USP24: variants seen among roughly 807,000 people sequenced by gnomAD.
USP24 encodes the protein ubiquitin specific peptidase 24.
In USP24, 97 loss-of-function variants were observed where a neutral mutation model predicts 361.6. The observed-to-expected ratio is 0.27, with a 90% CI of 0.23 to 0.32. USP24 has a LOEUF of 0.32. Ranked by LOEUF, USP24 falls within the 10% of genes least tolerant of loss-of-function variation. The pLI is 1.00. For missense variants in USP24, 2,353 were observed against 3,165.6 expected, an observed-to-expected ratio of 0.74 and a Z score of 6.16; for synonymous variants, 1,098 against 1,124.6, an observed-to-expected ratio of 0.98 and a Z score of 0.47.
At chr1:55,095,425 C>T in intron 50 of USP24, 29 bp from the exon 51 acceptor site, 2 of 1,562,862 alleles carry the variant, frequency 1.3e-6, no homozygotes, top group Non-Finnish European at 1.7e-6. Context: ...AGAAACACAT[C>T]TGTAAATAAA....
intron 1 of USP24, among the ~76,000 whole-genome samples, chr1:55,202,558 C>A (rs1283436370): frequency 2.0e-5 from 3 of 152,070 alleles, no homozygotes; most frequent in East Asian, 1.9e-4. Flanking sequence ...GCACCCATTA[C>A]CACACCCAGC....
intron 38 of USP24, among the ~76,000 whole-genome samples, chr1:55,116,508 T>C (rs940747249): frequency 6.6e-6 from 1 of 151,614 alleles, no homozygotes. Context: ...TTTACAGAAA[T>C]GGAAAGGATA....
At chr1:55,178,523 G>C (rs928115810) in intron 1 of USP24, among the ~76,000 whole-genome samples, 16 of 151,820 alleles carry the variant, frequency 1.1e-4, no homozygotes, top group Non-Finnish European at 1.8e-4. Context: ...AAAAAAATTA[G>C]CCAGGTGTAG....
chr1:55,145,914 T>G, intron 20 of USP24, 84 bp downstream of exon 20: 3 of 992,752 alleles, frequency 3.0e-6, no homozygotes, highest in Non-Finnish European at 4.6e-6. Context: ...TAGTTGCTTC[T>G]GAGAAGGAGG....
At chr1:55,091,380 C>G (rs1167519050) in intron 54 of USP24, among the ~76,000 whole-genome samples, 1 of 152,160 alleles carries the variant, frequency 6.6e-6, no homozygotes, top group East Asian at 1.9e-4. Flanking sequence ...AATTGTCCCC[C>G]CAACCCTCCC....
Position 55,215,295 on chromosome 1 carries a change from C to T in USP24, c.-182G>A, listed in dbSNP as rs1455765160. The stretch of plus-strand genomic sequence containing the variant: ...GCGGGCTTGGGTCCTGCGAGCCGAG[C>T]TAGTGCGGTGAGGCGCTCAGGCGCG... On this transcript the variant is annotated 5_prime_UTR_variant, in exon 1 of 68. Transcript: ENST00000294383. 1.3e-5 allele frequency among the ~76,000 whole-genome samples: 2 copies of T among 151,784 alleles called. No individual in the cohort carries two copies. Among genetic ancestry groups the T allele is most frequent in the African/African-American group, 4.8e-5 (2 of 41,390 alleles).
At chr1:55,142,929 T>C (rs187331666) in intron 22 of USP24, 50 bp downstream of exon 22, 112 of 1,448,632 alleles carry the variant, frequency 7.7e-5, no homozygotes, top group Admixed American at 3.4e-4. Context: ...AATATACATA[T>C]AATTTTCTGC....
chr1:55,199,173 C>T (rs1348388801), intron 1 of USP24, among the ~76,000 whole-genome samples: 1 of 152,064 alleles, frequency 6.6e-6, no homozygotes, highest in African/African-American at 2.4e-5. Flanking sequence ...CCTGTAATCC[C>T]AGCTACTTGG....
chr1:55,168,572 A>G (rs1214568335), intron 5 of USP24, among the ~76,000 whole-genome samples: 3 of 152,130 alleles, frequency 2.0e-5, no homozygotes, highest in Non-Finnish European at 4.4e-5. Context: ...AAGGACATCA[A>G]CCCCAGGTGG....
At chr1:55,197,485 C>T (rs1644450953) in intron 1 of USP24, among the ~76,000 whole-genome samples, 1 of 152,154 alleles carries the variant, frequency 6.6e-6, no homozygotes, top group Non-Finnish European at 1.5e-5. Context: ...CTAATACATG[C>T]TTATGAAATG....
chr1:55,116,238 T>G (rs1646111658), intron 38 of USP24, among the ~76,000 whole-genome samples: 1 of 150,884 alleles, frequency 6.6e-6, no homozygotes, highest in East Asian at 1.9e-4. Flanking sequence ...ACTTTACACC[T>G]AAGGAACTAG....
chr1:55,096,021 C>CT (rs762882368), intron 50 of USP24, among the ~76,000 whole-genome samples: 1 of 152,182 alleles, frequency 6.6e-6, no homozygotes, highest in Non-Finnish European at 1.5e-5. Flanking sequence ...TCCTCATACT[C>CT]TTTTTTCCTG....
chr1:55,074,606 A>G (rs1644986268), intron 63 of USP24, among the ~76,000 whole-genome samples: 1 of 151,776 alleles, frequency 6.6e-6, no homozygotes, highest in Admixed American at 6.6e-5. Flanking sequence ...TGCACTCTAG[A>G]CTGGAAGACA....
chr1:55,082,104 T>TA (rs1353557644), intron 58 of USP24, among the ~76,000 whole-genome samples: 2 of 152,298 alleles, frequency 1.3e-5, no homozygotes, highest in South Asian at 4.1e-4. Context: ...AGAGGAAGCC[T>TA]AAGTCGAAAA....
intron 36 of USP24, among the ~76,000 whole-genome samples, chr1:55,122,083 A>G (rs1646299095): frequency 6.6e-6 from 1 of 152,194 alleles, no homozygotes; most frequent in Non-Finnish European, 1.5e-5. Flanking sequence ...CTCTGTCCTC[A>G]TGGAGCTTTC....
At chr1:55,083,029 T>G (rs553095668) in intron 58 of USP24, among the ~76,000 whole-genome samples, 7 of 151,870 alleles carry the variant, frequency 4.6e-5, no homozygotes, top group Non-Finnish European at 1.0e-4. Flanking sequence ...TGAAACCCCC[T>G]CCCCAGTCAG....
At chr1:55,142,207 T>C (rs918585013) in intron 23 of USP24, among the ~76,000 whole-genome samples, 2 of 152,172 alleles carry the variant, frequency 1.3e-5, no homozygotes, top group Non-Finnish European at 2.9e-5. Flanking sequence ...CAACTGAATA[T>C]GAATGTTTAA....
At chr1:55,119,613 C>T (rs535898634) in intron 38 of USP24, among the ~76,000 whole-genome samples, 39 of 152,104 alleles carry the variant, frequency 2.6e-4, no homozygotes, top group Non-Finnish European at 4.9e-4. Flanking sequence ...AAAAAATCTA[C>T]GTGTCTTTGA....
intron 11 of USP24, 77 bp from the exon 12 acceptor site, chr1:55,157,128 A>C: frequency 7.1e-7 from 1 of 1,405,782 alleles, no homozygotes; most frequent in South Asian, 1.2e-5. Context: ...TTGATTCAAA[A>C]CAATAACTTA....
Sources: gnomAD v4.1 joint callset for allele counts (sites outside exome capture counted in the v4.1 genomes callset) on GRCh38, gnomAD v4.1.1 for gene constraint, MANE v1.5 for transcripts, NCBI Gene and HGNC (gene_info 2026-07-23, HGNC 2026-07-21) for gene names.